Variants in FAM124B observed in about 807,000 individuals in gnomAD.
The protein encoded by FAM124B is family with sequence similarity 124 member B, also known as protein FAM124B.
Under a neutral mutation model 19.7 loss-of-function variants are expected in FAM124B, and 18 were observed. The observed-to-expected ratio is 0.92, with a 90% confidence interval of 0.63 to 1.36. FAM124B has a LOEUF of 1.36. Ranked by LOEUF, FAM124B falls within the 40% of genes most tolerant of loss-of-function variation. The pLI, the probability that FAM124B is intolerant of heterozygous loss-of-function variation, is 0.00. For synonymous variants in FAM124B, 223 were observed against 225.2 expected (o/e 0.99, Z 0.09); for missense variants, 540 against 553.3 (o/e 0.98, Z 0.24).
Position 224,401,986 on chromosome 2 carries a change from C to T in FAM124B, c.-218G>A. On this transcript the variant is annotated 5_prime_UTR_variant, in exon 1 of 2. Transcript: ENST00000409685. Reference sequence around the variant, plus strand: ...CTCACACCAGCTCGGGTTCAGCAGCCTCCCTCTCCACACAGCAGCAGCGGG... The same window carrying T: ...CTCACACCAGCTCGGGTTCAGCAGCTTCCCTCTCCACACAGCAGCAGCGGG... The T allele has an allele frequency of 3.6e-6, 2 of 549,872 alleles. No homozygotes were observed. The highest frequency in any genetic ancestry group is 2.9e-5 in the East Asian group (1 of 34,796). 34.1% of individuals were successfully genotyped at this position (549,872 alleles called of 1,614,324 possible).
intron 1 of FAM124B, among the ~76,000 whole-genome samples, chr2:224,386,694 C>T (rs1271193752): frequency 6.6e-6 from 1 of 152,200 alleles, no homozygotes. Flanking sequence ...TCTGGAATAG[C>T]AGGCTTATAT....
Position 224,401,153 on chromosome 2 carries a change from G to A in FAM124B, c.616C>T (p.Gln206Ter), listed in dbSNP as rs1486873907. ...SVDPKESSVL[Q>*]FKVQEIGQLV... is the part of the protein sequence containing the mutation. ...TGGCCGATCTCTTGAACCTTAAACTGCAGCACCGAAGACTCTTTGGGGTCC... is the reference window on the plus strand; with the variant it reads ...TGGCCGATCTCTTGAACCTTAAACTACAGCACCGAAGACTCTTTGGGGTCC... Residue 206 changes from glutamine to a stop codon, truncating the protein, a stop_gained, in exon 1 of 2, where the codon CAG becomes TAG. Coordinates refer to ENST00000409685, the MANE Select transcript of FAM124B (RefSeq NM_001122779.2). LOFTEE classifies it high-confidence loss of function. 1 of 1,614,170 alleles carries A rather than the reference G, an allele frequency of 6.2e-7. No homozygotes were observed. Among genetic ancestry groups the A allele is most frequent in the Admixed American group, 1.7e-5 (1 of 60,012 alleles).
In FAM124B at chr2:224,379,575, A is replaced by G. The variant is rs760173657; in HGVS notation, c.1366T>C (p.Ter456GlnextTer8). ...TAGAAAACCACATTTATTTTATGCT[A>G]TATAAAGAATTCTTCTTCATCTTCT... The part of the protein sequence containing the change: ...KEEDEEEFFI[*>Q] The change falls in exon 2 of 2, where the codon TAG becomes CAG. Residue 456 changes from the stop codon to glutamine, a stop_lost. Coordinates refer to ENST00000409685, the MANE Select transcript of FAM124B (RefSeq NM_001122779.2). The G allele has an allele frequency of 1.3e-6, 2 of 1,534,270 alleles. No homozygotes were observed. Among genetic ancestry groups the G allele is most frequent in the Non-Finnish European group, 1.8e-6 (2 of 1,139,412 alleles).
chr2:224,393,088 C>G (rs1444419090), intron 1 of FAM124B, among the ~76,000 whole-genome samples: 1 of 152,196 alleles, frequency 6.6e-6, no homozygotes, highest in Non-Finnish European at 1.5e-5. Context: ...AGAAATGGGT[C>G]TCAGTTGAGA....
At chr2:224,390,114 TACAC>T (rs59825011) in intron 1 of FAM124B, among the ~76,000 whole-genome samples, 5,540 of 131,692 alleles carry the variant, frequency 0.042, 150 homozygotes, top group Middle Eastern at 0.065. Context: ...GTCTTTGAAA[TACAC>T]ACACACACAC....
In FAM124B at chr2:224,379,511, G is replaced by A. The variant is rs1235208850; in HGVS notation, c.*62C>T. 8.8e-6 allele frequency: 13 copies of A among 1,469,732 alleles called. No individual in the cohort carries two copies. Among genetic ancestry groups the A allele is most frequent in the African/African-American group, 4.3e-5 (3 of 70,426 alleles). The allele number at this position is 1,469,732 out of a possible 1,614,324, so 91.0% of individuals were successfully genotyped here. A position where few individuals can be genotyped will look rare whatever the true frequency, so the allele number is the denominator to read the frequency against. On this transcript the variant is annotated 3_prime_UTR_variant, in exon 2 of 2. Transcript: ENST00000409685. Reference sequence around the variant, plus strand: ...CAACTAACAGGCTGATTCTGGGTCAGTACTCCATTTCTAGAACATTTTATC... The same window carrying A: ...CAACTAACAGGCTGATTCTGGGTCAATACTCCATTTCTAGAACATTTTATC...
At chr2:224,390,158 C>CACACACACAGAG (rs1368022541) in intron 1 of FAM124B, among the ~76,000 whole-genome samples, 39 of 145,276 alleles carry the variant, frequency 2.7e-4, no homozygotes, top group African/African-American at 8.7e-4. Flanking sequence ...CACACACACA[C>CACACACACAGAG]AGAAAAGGAA....
chr2:224,384,821 T>G (rs995978152), intron 1 of FAM124B, among the ~76,000 whole-genome samples: 19 of 152,088 alleles, frequency 1.2e-4, no homozygotes, highest in African/African-American at 4.1e-4. Context: ...GGGCCAAGAC[T>G]CCCATCACCT....
At position 224,401,538 on chromosome 2, in the gene FAM124B, C is replaced by G. The variant is rs754913329; in HGVS notation, c.231G>C (p.Pro77=). The G allele has an allele frequency of 3.3e-5, 54 of 1,613,996 alleles. No individual in the cohort carries two copies. Among genetic ancestry groups the G allele is most frequent in the Non-Finnish European group, 4.3e-5 (51 of 1,180,012 alleles). Residue 77 remains proline, a synonymous_variant, in exon 1 of 2, where the codon CCG becomes CCC. Coordinates refer to ENST00000409685, the MANE Select transcript of FAM124B (RefSeq NM_001122779.2). ...MSVLLFLHES[P]GEDRLFRVLD... ...GGACGCGAAATAGCCTATCCTCTCC[C>G]GGGCTTTCGTGCAGGAAGAGCAACA...
intron 1 of FAM124B, among the ~76,000 whole-genome samples, chr2:224,384,083 C>T (rs547808436): frequency 3.9e-5 from 6 of 152,284 alleles, no homozygotes; most frequent in East Asian, 3.9e-4. Context: ...CAACCAGTGC[C>T]GAGACATCTC....
intron 1 of FAM124B, chr2:224,400,561 T>G: frequency 1.5e-6 from 1 of 676,308 alleles, no homozygotes; most frequent in Non-Finnish European, 2.7e-6. Context: ...TAAGTATGAC[T>G]TCAACTTCCT....
chr2:224,401,618 C>T lies in FAM124B; in HGVS notation c.151G>A (p.Val51Met). 1.2e-6 allele frequency: 2 copies of T among 1,614,190 alleles called. No homozygotes were observed. Among genetic ancestry groups the T allele is most frequent in the Non-Finnish European group, 1.7e-6 (2 of 1,180,044 alleles). Residue 51 changes from valine (V) to methionine (M), a missense_variant, in exon 1 of 2, where the codon GTG becomes ATG. By Grantham distance (21) the Val-to-Met change is conservative (BLOSUM62 1). Transcript: ENST00000409685. ...LFQVSERASP[V>M]KYCEKSHSKR... is the part of the protein sequence containing the mutation. ...GAATGGGACTTTTCACAGTATTTCA[C>T]AGGACTGGCCCGTTCAGACACCTGA...
At chr2:224,399,720 G>A (rs1240862737) in intron 1 of FAM124B, 2 of 151,928 alleles carry the variant, frequency 1.3e-5, no homozygotes, top group East Asian at 1.9e-4. Flanking sequence ...TCTCCAAAAT[G>A]GGAAAAATAG....
At chr2:224,399,802 A>G (rs1268319828) in intron 1 of FAM124B, 2 of 152,250 alleles carry the variant, frequency 1.3e-5, no homozygotes, top group Non-Finnish European at 2.9e-5. Flanking sequence ...AGGGCATAAT[A>G]TGAACAATAA....
At chr2:224,380,336 T>C (rs2106074913) in intron 1 of FAM124B, 128 bp from the exon 2 acceptor site, 2 of 820,046 alleles carry the variant, frequency 2.4e-6, no homozygotes, top group Admixed American at 2.9e-5. Context: ...TTTGGTTGAA[T>C]TGAATAGAAG....
rs1271218040 is a variant in FAM124B, at chr2:224,380,060, G to T, written c.881C>A (p.Ser294Tyr). Residue 294 changes from serine (S) to tyrosine (Y), a missense_variant, in exon 2 of 2, where the codon TCT (serine) becomes TAT (tyrosine). Transcript: ENST00000409685. Reference sequence around the variant, plus strand: ...CCCACTGGGCTCAGGAAGCTCCAGAGAATGCCCCTGGGACCTCTTGCCCTG... The same window carrying T: ...CCCACTGGGCTCAGGAAGCTCCAGATAATGCCCCTGGGACCTCTTGCCCTG... ...RNQGKRSQGH[S>Y]LELPEPSGSP... 18 of 1,551,578 alleles carry T rather than the reference G, an allele frequency of 1.2e-5. No homozygotes were observed. In the East Asian group the frequency reaches 2.9e-4, roughly 25 times the overall value.
intron 1 of FAM124B, among the ~76,000 whole-genome samples, chr2:224,397,116 GA>G (rs1195849436): frequency 6.6e-6 from 1 of 152,166 alleles, no homozygotes; most frequent in African/African-American, 2.4e-5. Context: ...ATTTCATATT[GA>G]ATTATAACTG....
intron 1 of FAM124B, among the ~76,000 whole-genome samples, chr2:224,390,435 G>A (rs529883314): frequency 2.6e-5 from 4 of 152,056 alleles, no homozygotes; most frequent in East Asian, 1.9e-4. Flanking sequence ...ATAGAAAGAC[G>A]GCAAGATACC....
intron 1 of FAM124B, 54 bp from the exon 2 acceptor site, chr2:224,380,262 C>T: frequency 1.4e-6 from 2 of 1,454,370 alleles, no homozygotes; most frequent in Non-Finnish European, 9.2e-7. Flanking sequence ...TAACTAAGTG[C>T]CAAGAGCTGA....
Sources: gnomAD v4.1 joint callset for allele counts (sites outside exome capture counted in the v4.1 genomes callset) on GRCh38, gnomAD v4.1.1 for gene constraint, MANE v1.5 for transcripts, NCBI Gene and HGNC (gene_info 2026-07-23, HGNC 2026-07-21) for gene names.